INVS: variants seen among roughly 807,000 people sequenced by gnomAD.
The protein encoded by INVS is inversin, also known as inversion of embryo turning homolog.
In INVS, 86 loss-of-function variants were observed where a neutral mutation model predicts 108.8. That is an observed-to-expected ratio of 0.79 (90% CI 0.66 to 0.95). The LOEUF (loss-of-function observed/expected upper bound fraction) is 0.95, where lower values mean the gene tolerates loss of function less well. INVS is among the 40% of genes least tolerant of loss of function. The probability of loss-of-function intolerance (pLI) is 0.00; values close to 1 mark genes in which losing one functional copy is unlikely to be tolerated. For synonymous variants in INVS, 455 were observed against 473.5 expected, an observed-to-expected ratio of 0.96 and a Z score of 0.51; for missense variants, 1,169 against 1,297.4, an observed-to-expected ratio of 0.90 and a Z score of 1.52.
At chr9:100,125,681 ATTTT>A (rs68122542) in intron 2 of INVS, among the ~76,000 whole-genome samples, 2 of 99,024 alleles carry the variant, frequency 2.0e-5, no homozygotes, top group African/African-American at 8.1e-5. Flanking sequence ...ATCAACTGTG[ATTTT>A]TTTTTTTTTT....
intron 3 of INVS, among the ~76,000 whole-genome samples, chr9:100,134,034 C>G (rs192518210): frequency 7.6e-4 from 116 of 151,956 alleles, no homozygotes; most frequent in Middle Eastern, 3.4e-3. Flanking sequence ...CCTGGTACAC[C>G]CATCGCCCGA....
At chr9:100,126,662 G>C in intron 3 of INVS, 113 bp downstream of exon 3, 1 of 999,006 alleles carries the variant, frequency 1.0e-6, no homozygotes, top group South Asian at 1.3e-5. Flanking sequence ...ATGACTCATA[G>C]GTTTTATATA....
At chr9:100,278,309 C>T (rs1277679440) in intron 12 of INVS, among the ~76,000 whole-genome samples, 1 of 150,454 alleles carries the variant, frequency 6.6e-6, no homozygotes, top group African/African-American at 2.4e-5. Context: ...CTCATGCATA[C>T]TTCTCCCTCT....
At chr9:100,286,764 C>G (rs1236675308) in intron 13 of INVS, among the ~76,000 whole-genome samples, 2 of 152,176 alleles carry the variant, frequency 1.3e-5, no homozygotes, top group Non-Finnish European at 2.9e-5. Context: ...ACTCCCTCTA[C>G]CTTATTTTTT....
intron 3 of INVS, among the ~76,000 whole-genome samples, chr9:100,184,248 G>A (rs1237203468): frequency 6.6e-6 from 1 of 152,132 alleles, no homozygotes; most frequent in Non-Finnish European, 1.5e-5. Context: ...CTTTTTAAAA[G>A]CTCCTCACCT....
Position 100,104,505 on chromosome 9 carries a change from C to T in INVS, c.-17C>T, listed in dbSNP as rs181463817. On this transcript the variant is annotated 5_prime_UTR_variant, in exon 2 of 17. Transcript: ENST00000262457. Reference sequence around the variant, plus strand: ...TCTGAATCATTGTTTCAGGTTGCTCCGGTTGCTAAGAAGACTATGAACAAG... The same window carrying T: ...TCTGAATCATTGTTTCAGGTTGCTCTGGTTGCTAAGAAGACTATGAACAAG... The T allele has an allele frequency of 3.6e-4, 570 of 1,580,822 alleles. 1 individual carries two copies. In the African/African-American group the frequency reaches 6.7e-3, roughly 19 times the overall value.
At chr9:100,123,346 A>G (rs1245813296) in intron 2 of INVS, among the ~76,000 whole-genome samples, 1 of 152,206 alleles carries the variant, frequency 6.6e-6, no homozygotes, top group Non-Finnish European at 1.5e-5. Flanking sequence ...ACATAAATAT[A>G]ATTATATAAT....
intron 3 of INVS, among the ~76,000 whole-genome samples, chr9:100,219,881 G>GATATATAT (rs61219577): frequency 4.1e-5 from 6 of 148,020 alleles, no homozygotes; most frequent in African/African-American, 1.5e-4. Context: ...GTCGTTTATG[G>GATATATAT]ATATATATAT....
intron 3 of INVS, among the ~76,000 whole-genome samples, chr9:100,210,187 G>A (rs558704117): frequency 2.0e-5 from 3 of 152,134 alleles, no homozygotes; most frequent in African/African-American, 7.2e-5. Flanking sequence ...GCAGTGAATA[G>A]CATTGCATAT....
At chr9:100,286,345 G>A (rs1295449189) in intron 13 of INVS, among the ~76,000 whole-genome samples, 1 of 152,170 alleles carries the variant, frequency 6.6e-6, no homozygotes, top group African/African-American at 2.4e-5. Context: ...CTTGAGGCCA[G>A]GAGTTCAAGA....
intron 3 of INVS, among the ~76,000 whole-genome samples, chr9:100,196,254 G>T (rs915565468): frequency 1.3e-5 from 2 of 151,854 alleles, no homozygotes; most frequent in African/African-American, 2.4e-5. Context: ...TTTCTCCAAG[G>T]CCCCTCAGGA....
At chr9:100,211,935 C>T (rs112643317) in intron 3 of INVS, among the ~76,000 whole-genome samples, 1 of 152,114 alleles carries the variant, frequency 6.6e-6, no homozygotes, top group Non-Finnish European at 1.5e-5. Flanking sequence ...TGGTTCTCAT[C>T]ATATTTGTTA....
At chr9:100,267,607 A>G (rs745664631) in intron 11 of INVS, among the ~76,000 whole-genome samples, 8 of 152,222 alleles carry the variant, frequency 5.3e-5, no homozygotes, top group Non-Finnish European at 1.0e-4. Flanking sequence ...ATTTTTGCCA[A>G]CTTCTGCTGA....
intron 3 of INVS, among the ~76,000 whole-genome samples, chr9:100,201,035 C>G (rs1830515924): frequency 6.6e-6 from 1 of 152,202 alleles, no homozygotes; most frequent in South Asian, 2.1e-4. Flanking sequence ...ACTGCAGCTG[C>G]TAGGCTGGCT....
intron 3 of INVS, among the ~76,000 whole-genome samples, chr9:100,161,381 A>G (rs926497780): frequency 1.3e-5 from 2 of 149,968 alleles, no homozygotes; most frequent in South Asian, 4.2e-4. Flanking sequence ...AAAAAAAAAA[A>G]AAAAAAAAAA....
chr9:100,115,518 T>C (rs1177896553), intron 2 of INVS, among the ~76,000 whole-genome samples: 1 of 152,072 alleles, frequency 6.6e-6, no homozygotes, highest in African/African-American at 2.4e-5. Context: ...AGTGTTCTCA[T>C]TGTTCAGTTC....
At chr9:100,171,824 G>A (rs916056271) in intron 3 of INVS, among the ~76,000 whole-genome samples, 5 of 152,014 alleles carry the variant, frequency 3.3e-5, no homozygotes, top group South Asian at 4.1e-4. Flanking sequence ...TGTATATCAA[G>A]TATATCATTG....
At chr9:100,219,161 A>C (rs950482452) in intron 3 of INVS, among the ~76,000 whole-genome samples, 10 of 152,236 alleles carry the variant, frequency 6.6e-5, no homozygotes, top group African/African-American at 2.4e-4. Flanking sequence ...AGTATCCAGA[A>C]TACATAAAGA....
chr9:100,240,127 C>A lies in INVS; in HGVS notation c.683C>A (p.Ala228Glu). The A allele has an allele frequency of 6.2e-7, 1 of 1,614,008 alleles. No individual in the cohort carries two copies. The highest frequency in any genetic ancestry group is 8.5e-7 in the Non-Finnish European group (1 of 1,179,872). Reference protein sequence around the residue: ...DYEGRTPLHFAVADGNVTVVD... With the variant: ...DYEGRTPLHFEVADGNVTVVD... ...GAGGGTCGAACTCCTCTTCACTTTG[C>A]AGTTGCTGATGGGAATGTGACCGTG... The change falls in exon 6 of 17, where the codon GCA becomes GAA. Residue 228 changes from alanine (A) to glutamate (E), a missense_variant. Physicochemically the swap from Ala to Glu is moderately radical, Grantham distance 107. Coordinates refer to ENST00000262457, the MANE Select transcript of INVS (RefSeq NM_014425.5).
Sources: gnomAD v4.1 joint callset for allele counts (sites outside exome capture counted in the v4.1 genomes callset) on GRCh38, gnomAD v4.1.1 for gene constraint, MANE v1.5 for transcripts, NCBI Gene and HGNC (gene_info 2026-07-23, HGNC 2026-07-21) for gene names.